CELA3A: variants seen among roughly 807,000 people sequenced by gnomAD.
The protein encoded by CELA3A is chymotrypsin-like elastase family member 3A.
In CELA3A, 35 loss-of-function variants were observed where a neutral mutation model predicts 38.6. The ratio of observed to expected loss-of-function variants is 0.91; its 90% CI spans 0.69 to 1.20. The LOEUF (loss-of-function observed/expected upper bound fraction) is 1.20. Among genes scored for constraint, CELA3A ranks in the 50% most tolerant of loss-of-function variants. The pLI is 0.00. For missense variants in CELA3A, 343 were observed against 354.2 expected, an observed-to-expected ratio of 0.97 and a Z score of 0.25; for synonymous variants, 143 against 136.7, an observed-to-expected ratio of 1.05 and a Z score of -0.32.
chr1:22,008,535 G>A (rs185910428), intron 6 of CELA3A, among the ~76,000 whole-genome samples: 12 of 150,656 alleles, frequency 8.0e-5, no homozygotes, highest in African/African-American at 2.5e-4. Context: ...CGAGCCGGGC[G>A]GATCACGAGG....
intron 7 of CELA3A, among the ~76,000 whole-genome samples, chr1:22,011,603 TA>T (rs1348275729): frequency 8.0e-6 from 1 of 124,676 alleles, no homozygotes; most frequent in African/African-American, 3.3e-5. Context: ...TACAAAAATA[TA>T]AAAAAATTGG....
At chr1:22,005,885 A>T in intron 4 of CELA3A, 89 bp downstream of exon 4, 4 of 1,598,962 alleles carry the variant, frequency 2.5e-6, no homozygotes, top group Non-Finnish European at 3.4e-6. Flanking sequence ...TCCAACTCTG[A>T]GTAGGGACGT....
chr1:22,005,011 A>G (rs1361681188), intron 2 of CELA3A, among the ~76,000 whole-genome samples: 29 of 150,572 alleles, frequency 1.9e-4, no homozygotes, highest in African/African-American at 2.2e-4. Flanking sequence ...AGACAGGAGA[A>G]TCGCTTGAAC....
At chr1:22,009,008 G>A (rs112023382) in intron 6 of CELA3A, among the ~76,000 whole-genome samples, 31 of 151,794 alleles carry the variant, frequency 2.0e-4, no homozygotes, top group Middle Eastern at 6.8e-3. Flanking sequence ...GGGAGGCCCC[G>A]GCAGGTGGAT....
At chr1:22,007,158 CAA>C in intron 5 of CELA3A, 144 bp downstream of exon 5, 1 of 1,411,260 alleles carries the variant, frequency 7.1e-7, no homozygotes, top group Non-Finnish European at 9.6e-7. Context: ...CATCAACCTC[CAA>C]AACACGAATG....
intron 6 of CELA3A, 83 bp downstream of exon 6, chr1:22,007,598 G>A (rs531112481): frequency 6.6e-7 from 1 of 1,526,068 alleles, no homozygotes; most frequent in Non-Finnish European, 8.8e-7. Context: ...GGTGGAGGAA[G>A]GATCTTGCCT....
At chr1:22,010,729 T>G (rs1425515703) in intron 7 of CELA3A, 1 of 152,720 alleles carries the variant, frequency 6.5e-6, no homozygotes, top group African/African-American at 2.5e-5. Context: ...CCTGGAGTTC[T>G]GGGCCATAGT....
intron 4 of CELA3A, 81 bp from the exon 5 acceptor site, chr1:22,006,797 G>T: frequency 6.4e-7 from 1 of 1,554,898 alleles, no homozygotes; most frequent in Non-Finnish European, 8.7e-7. Flanking sequence ...CTCAGAGGTG[G>T]AATAGCCTGG....
In CELA3A at chr1:22,007,409, G is replaced by T. The variant is rs374193746; in HGVS notation, c.536G>T (p.Arg179Leu). Residue 179 changes from arginine (R) to leucine (L), a missense_variant, in exon 6 of 8, where the codon CGG becomes CTG. Transcript: ENST00000290122. The stretch of plus-strand genomic sequence containing the variant: ...CTCCCAGACAAGCTGCAGCAGGCCC[G>T]GCTGCCCGTGGTGGACTATAAGCAC... ...GPLPDKLQQA[R>L]LPVVDYKHCS... 8.1e-6 allele frequency: 13 copies of T among 1,612,182 alleles called. No homozygotes were observed. Among genetic ancestry groups the T allele is most frequent in the African/African-American group, 1.3e-5 (1 of 74,254 alleles).
chr1:22,002,859 A>G, intron 1 of CELA3A, 144 bp from the exon 2 acceptor site: 1 of 703,490 alleles, frequency 1.4e-6, no homozygotes, highest in Non-Finnish European at 2.4e-6. Context: ...CACTGTTCAT[A>G]TGTGGTTACT....
chr1:22,001,800 T>C, intron 1 of CELA3A, 83 bp downstream of exon 1: 1 of 1,560,390 alleles, frequency 6.4e-7, no homozygotes, highest in Non-Finnish European at 8.8e-7. Flanking sequence ...CTGAGTCCCA[T>C]GACATGCTAT....
chr1:22,009,894 G>A (rs1408606818), intron 7 of CELA3A, 37 bp downstream of exon 7: 8 of 1,591,958 alleles, frequency 5.0e-6, no homozygotes, highest in Non-Finnish European at 6.8e-6. Flanking sequence ...GCTTTAGGGT[G>A]GTGGCTCTTC....
rs148724731 is a variant in CELA3A at position 22,009,825 on chromosome 1, C to T, written c.763C>T (p.Arg255Ter). The T allele has an allele frequency of 4.0e-5, 64 of 1,612,470 alleles. No homozygotes were observed. Among genetic ancestry groups the T allele is most frequent in the East Asian group, 6.7e-5 (3 of 44,662 alleles). The change falls in exon 7 of 8, where the codon CGA becomes TGA. Residue 255 changes from arginine to a stop codon, truncating the protein, a stop_gained. Coordinates refer to ENST00000290122, the MANE Select transcript of CELA3A (RefSeq NM_005747.5). LOFTEE classifies it high-confidence loss of function. ...CATCTGGAAGCCCACGGTGTTCACT[C>T]GAGTCTCCGCCTTCATCGACTGGAT... ...NFIWKPTVFT[R>*]VSAFIDWIEE...
rs149807589 is a variant in CELA3A, at chr1:22,007,501, C to T, written c.628C>T (p.Arg210Cys). ...KTMVCAGGYI[R>C]SGCNGDSGGP... ...CATGGTGTGTGCTGGAGGGTACATC[C>T]GCTCCGGCTGCAACGTGAGTCAGCT... The change falls in exon 6 of 8, where the codon CGC becomes TGC. Residue 210 changes from arginine (R) to cysteine (C), a missense_variant. Arg to Cys is a radical substitution (Grantham distance 180). Coordinates refer to ENST00000290122, the MANE Select transcript of CELA3A (RefSeq NM_005747.5). The T allele has an allele frequency of 3.4e-5, 55 of 1,610,144 alleles. 1 individual carries two copies. Among genetic ancestry groups the T allele is most frequent in the East Asian group, 3.1e-4 (14 of 44,608 alleles).
Position 22,005,708 on chromosome 1 carries a change from G to A in CELA3A, c.274G>A (p.Val92Met). 6.2e-7 allele frequency: 1 copy of A among 1,612,470 alleles called. No homozygotes were observed. Among genetic ancestry groups the A allele is most frequent in the Non-Finnish European group, 8.5e-7 (1 of 1,179,472 alleles). ...QVVLGEYNLA[V>M]KEGPEQVIPI... ...GGTGTTGGGTGAGTACAACCTTGCT[G>A]TGAAGGAGGGCCCCGAGCAGGTGAT... The change falls in exon 4 of 8, where the codon GTG (valine) becomes ATG (methionine). Residue 92 changes from valine (V) to methionine (M), a missense_variant. Val to Met is a conservative substitution (Grantham distance 21). Coordinates refer to ENST00000290122, the MANE Select transcript of CELA3A (RefSeq NM_005747.5).
chr1:22,009,181 C>T (rs555746343), intron 6 of CELA3A, among the ~76,000 whole-genome samples: 13 of 151,150 alleles, frequency 8.6e-5, no homozygotes, highest in East Asian at 2.0e-4. Context: ...CTGGCTAACA[C>T]GGTGAAACCC....
chr1:22,002,318 A>T lies in CELA3A; in HGVS notation c.43+601A>T, dbSNP rs896795359. 2.6e-4 allele frequency among the ~76,000 whole-genome samples: 40 copies of T among 151,406 alleles called. 2 individuals are homozygous for T. The highest frequency in any genetic ancestry group is 9.0e-4 in the African/African-American group (37 of 40,940). ...TTACTGACCCTCAAGGAAGTAAAGT[A>T]GCTTATCATAGAACAAAAGGCAGAG... On this transcript the variant is annotated intron_variant, in intron 1 of 7. Coordinates refer to ENST00000290122, the MANE Select transcript of CELA3A (RefSeq NM_005747.5).
intron 5 of CELA3A, 108 bp downstream of exon 5, chr1:22,007,122 A>G (rs1644955576): frequency 5.4e-6 from 8 of 1,490,414 alleles, no homozygotes; most frequent in Non-Finnish European, 7.3e-6. Flanking sequence ...CTTTTCTCCC[A>G]TTTCTCTCCA....
intron 1 of CELA3A, chr1:22,002,543 A>G (rs1296902674): frequency 8.8e-6 from 4 of 455,080 alleles, no homozygotes; most frequent in Admixed American, 7.1e-5. Context: ...AGGTCTTGCT[A>G]TGTTGCCCAG....
Sources: allele counts gnomAD v4.1 joint callset (sites outside exome capture counted in the v4.1 genomes callset), GRCh38; gene constraint gnomAD v4.1.1; transcripts MANE v1.5; gene names NCBI Gene and HGNC (gene_info 2026-07-23, HGNC 2026-07-21).